HSPG2: variants seen among roughly 807,000 people sequenced by gnomAD.
HSPG2 encodes heparan sulfate proteoglycan 2.
Under a neutral mutation model 526.6 loss-of-function variants are expected in HSPG2, and 278 were observed. The observed-to-expected ratio is 0.53, with a 90% CI of 0.48 to 0.58. HSPG2 has a LOEUF of 0.58. Ranked by LOEUF, HSPG2 falls within the 20% of genes least tolerant of loss-of-function variation. The pLI is 0.00. For synonymous variants in HSPG2, 2,465 were observed against 2,555.4 expected, an observed-to-expected ratio of 0.96 and a Z score of 1.07; for missense variants, 5,354 against 6,099.5, an observed-to-expected ratio of 0.88 and a Z score of 4.07.
chr1:21,937,200 C>T lies in HSPG2; in HGVS notation c.18G>A (p.Ala6=). The T allele has an allele frequency of 9.2e-7, 1 of 1,081,956 alleles. No homozygotes were observed. The highest frequency in any genetic ancestry group is 1.1e-6 in the Non-Finnish European group (1 of 881,894). 67.0% of individuals were successfully genotyped at this position (1,081,956 alleles called of 1,614,324 possible). A position where few individuals can be genotyped will look rare whatever the true frequency, so the allele number is the denominator to read the frequency against. ...GCAGCAGCGCCAGCAGCAGCGCGCC[C>T]GCCGCCCGCCACCCCATGGCCCGGC... MGWRA[A]GALLLALLLH... is the part of the protein sequence containing the mutation. The change falls in exon 1 of 97, where the codon GCG becomes GCA. Residue 6 remains alanine, a synonymous_variant. Transcript: ENST00000374695.
At chr1:21,842,499 G>T in intron 67 of HSPG2, 119 bp from the exon 68 acceptor site, 1 of 1,217,286 alleles carries the variant, frequency 8.2e-7, no homozygotes, top group Non-Finnish European at 1.1e-6. Flanking sequence ...TCAGCTGGTA[G>T]GGCTGGTGGA....
rs1350300247 is a variant in HSPG2 at position 21,831,697 on chromosome 1, G to A, written c.11307C>T (p.Gly3769=). The A allele has an allele frequency of 1.5e-5, 24 of 1,606,128 alleles. No individual in the cohort carries two copies. The highest frequency in any genetic ancestry group is 2.2e-5 in the East Asian group (1 of 44,648). ...GGGCCAGGTCACCCACAATCAGGGAGCCCTGGGTGAGGCTGCGCAGCAGGG... is the reference window on the plus strand; with the variant it reads ...GGGCCAGGTCACCCACAATCAGGGAACCCTGGGTGAGGCTGCGCAGCAGGG... The part of the protein sequence containing the change: ...TVTLLRSLTQ[G]SLIVGDLAPV... Residue 3769 remains glycine (G), a synonymous_variant, in exon 82 of 97, where the codon GGC becomes GGT. Coordinates refer to ENST00000374695, the MANE Select transcript of HSPG2 (RefSeq NM_005529.7).
At position 21,865,625 on chromosome 1, in the gene HSPG2, G is replaced by T; in HGVS notation, c.4314+92C>A. ...CCCAGCCTGTGCCAGAAAACTGAGT[G>T]CTGGATGGAAAGGACAAAGGACAAA... On this transcript the variant is annotated intron_variant, in intron 34 of 96. Transcript: ENST00000374695. This position sits in a 1 kb window ranked among gnomAD's most constrained non-coding sequence, Gnocchi z 5.4. The T allele has an allele frequency of 8.8e-7, 1 of 1,130,350 alleles. No individual in the cohort carries two copies. Among genetic ancestry groups the T allele is most frequent in the Non-Finnish European group, 1.3e-6 (1 of 742,068 alleles). The allele number at this position is 1,130,350 out of a possible 1,614,324, so 70.0% of individuals were successfully genotyped here.
chr1:21,911,909 A>G (rs1346562989), intron 1 of HSPG2, among the ~76,000 whole-genome samples: 1 of 152,154 alleles, frequency 6.6e-6, no homozygotes, highest in Non-Finnish European at 1.5e-5. Flanking sequence ...ACATACCCAT[A>G]ATTACAACTG....
At chr1:21,863,213 AAC>A (rs1301282929) in intron 37 of HSPG2, among the ~76,000 whole-genome samples, 1 of 150,904 alleles carries the variant, frequency 6.6e-6, no homozygotes, top group Non-Finnish European at 1.5e-5. Context: ...CTCTACTAAA[AAC>A]ACAAAAAATT....
intron 1 of HSPG2, among the ~76,000 whole-genome samples, chr1:21,924,914 T>A (rs549400385): frequency 6.6e-6 from 1 of 152,276 alleles, no homozygotes; most frequent in East Asian, 1.9e-4. Context: ...TCTTTCCAGA[T>A]AACTCATGCC....
intron 64 of HSPG2, among the ~76,000 whole-genome samples, chr1:21,845,052 C>T (rs1171278273): frequency 6.6e-6 from 1 of 152,124 alleles, no homozygotes; most frequent in Non-Finnish European, 1.5e-5. Flanking sequence ...TCGAGACCAG[C>T]CTGACCAACA....
intron 65 of HSPG2, among the ~76,000 whole-genome samples, chr1:21,843,828 G>A (rs530221628): frequency 4.5e-4 from 69 of 152,152 alleles, no homozygotes; most frequent in African/African-American, 1.6e-3. Flanking sequence ...TGTGTTTTTC[G>A]TTTCGCCATG....
intron 1 of HSPG2, among the ~76,000 whole-genome samples, chr1:21,930,107 A>C (rs919398558): frequency 1.1e-4 from 17 of 149,572 alleles, no homozygotes; most frequent in African/African-American, 4.2e-4. Flanking sequence ...GCTCCCCCTC[A>C]CTGATGCTGC....
intron 1 of HSPG2, among the ~76,000 whole-genome samples, chr1:21,909,154 A>T (rs1643533154): frequency 6.6e-6 from 1 of 152,222 alleles, no homozygotes. Context: ...AGAAGGAGTC[A>T]GGCTGCAGAG....
At position 21,839,502 on chromosome 1, in the gene HSPG2, G is replaced by A; in HGVS notation, c.9758C>T (p.Pro3253Leu). Residue 3253 changes from proline to leucine, a missense_variant, in exon 73 of 97, where the codon CCC (proline) becomes CTC (leucine). By Grantham distance (98) the Pro-to-Leu change is moderately conservative. Coordinates refer to ENST00000374695, the MANE Select transcript of HSPG2 (RefSeq NM_005529.7). This position sits in a 1 kb window ranked among gnomAD's most constrained non-coding sequence, Gnocchi z 4.5. ...GTCACCTTCCAGCCGGTGCTGCCAG[G>A]GCAGTGGGGAACGCAGCTTGGACCA... is the stretch of plus-strand genomic sequence containing the variant. Reference protein sequence around the residue: ...IHWSKLRSPLPWQHRLEGDTL... With the variant: ...IHWSKLRSPLLWQHRLEGDTL... The A allele has an allele frequency of 6.2e-7, 1 of 1,614,144 alleles. No homozygotes were observed. The highest frequency in any genetic ancestry group is 8.5e-7 in the Non-Finnish European group (1 of 1,180,024).
Position 21,847,780 on chromosome 1 carries a change from T to C in HSPG2, c.7934A>G (p.Gln2645Arg). Reference sequence around the variant, plus strand: ...GACCACGCAGTTCAGATCCAAGGTCTGCCCTTCCACCACCGTGGGGGAAGA... The same window carrying C: ...GACCACGCAGTTCAGATCCAAGGTCCGCCCTTCCACCACCGTGGGGGAAGA... Reference protein sequence around the residue: ...ESSSPTVVEGQTLDLNCVVAR... With the variant: ...ESSSPTVVEGRTLDLNCVVAR... Residue 2645 changes from glutamine (Q) to arginine (R), a missense_variant, in exon 61 of 97, where the codon CAG becomes CGG. Transcript: ENST00000374695. This position sits in a 1 kb window ranked among gnomAD's most constrained non-coding sequence, Gnocchi z 4.1. 6.2e-7 allele frequency: 1 copy of C among 1,613,758 alleles called. No homozygotes were observed. The highest frequency in any genetic ancestry group is 1.1e-5 in the South Asian group (1 of 91,066).
At chr1:21,825,161 A>G (rs1486433978) in intron 91 of HSPG2, 2 of 308,504 alleles carry the variant, frequency 6.5e-6, no homozygotes, top group Non-Finnish European at 1.3e-5. Flanking sequence ...TACTGAGATC[A>G]CCAGATCTTG....
In HSPG2 at chr1:21,839,802, G is replaced by T. The variant is rs775844708; in HGVS notation, c.9709+20C>A. 13 of 1,611,636 alleles carry T rather than the reference G, an allele frequency of 8.1e-6. No homozygotes were observed. In the Admixed American group the frequency reaches 2.2e-4, roughly 27 times the overall value. On this transcript the variant is annotated intron_variant, in intron 72 of 96. Transcript: ENST00000374695. This position sits in a 1 kb window ranked among gnomAD's most constrained non-coding sequence, Gnocchi z 4.5. Reference sequence around the variant, plus strand: ...GGCATCCCTGCCCTGCCAGCCCTATGTGCCAGCCCTTGGTCACACCTGTGG... The same window carrying T: ...GGCATCCCTGCCCTGCCAGCCCTATTTGCCAGCCCTTGGTCACACCTGTGG...
chr1:21,836,019 G>T (rs1221807512), intron 75 of HSPG2, among the ~76,000 whole-genome samples: 2 of 147,270 alleles, frequency 1.4e-5, no homozygotes, highest in African/African-American at 5.0e-5. Context: ...CTTTGCAATT[G>T]TGTGGGCATT....
chr1:21,824,407 C>T lies in HSPG2; in HGVS notation c.12745-31G>A. The T allele has an allele frequency of 6.2e-7, 1 of 1,612,612 alleles. No homozygotes were observed. Reference sequence around the variant, plus strand: ...AGGGAAGCACAGGGTCTCTGGGGTCCCCAGCCTGGAGAGCAGAGGCTGCCG... The same window carrying T: ...AGGGAAGCACAGGGTCTCTGGGGTCTCCAGCCTGGAGAGCAGAGGCTGCCG... On this transcript the variant is annotated intron_variant, in intron 93 of 96. Coordinates refer to ENST00000374695, the MANE Select transcript of HSPG2 (RefSeq NM_005529.7). This position sits in a 1 kb window ranked among gnomAD's most constrained non-coding sequence, Gnocchi z 5.9.
chr1:21,934,742 C>T (rs1356968640), intron 1 of HSPG2, among the ~76,000 whole-genome samples: 2 of 150,368 alleles, frequency 1.3e-5, no homozygotes, highest in African/African-American at 2.5e-5. Flanking sequence ...ACTACAGGTA[C>T]GTGCCACCAT....
At position 21,832,538 on chromosome 1, in the gene HSPG2, C is replaced by T. The variant is rs767088469; in HGVS notation, c.11164G>A (p.Asp3722Asn). The T allele has an allele frequency of 3.7e-6, 6 of 1,614,102 alleles. No homozygotes were observed. The highest frequency in any genetic ancestry group is 2.2e-5 in the South Asian group (2 of 91,094). The change falls in exon 81 of 97, where the codon GAC (aspartate) becomes AAC (asparagine). Residue 3722 changes from aspartate to asparagine, a missense_variant. Physicochemically the swap from Asp to Asn is conservative, Grantham distance 23. Coordinates refer to ENST00000374695, the MANE Select transcript of HSPG2 (RefSeq NM_005529.7). ...CCCACGAGGCCGAAGGAGATGAAGTCGGGCTGCCGGTTGGCCAGGTTGGTG... is the reference window on the plus strand; with the variant it reads ...CCCACGAGGCCGAAGGAGATGAAGTTGGGCTGCCGGTTGGCCAGGTTGGTG... ...SPTNLANRQPDFISFGLVGGR... is the reference protein window; with the variant it reads ...SPTNLANRQPNFISFGLVGGR...
At position 21,890,196 on chromosome 1, in the gene HSPG2, C is replaced by A; in HGVS notation, c.414-55G>T. ...GTCAGCGAGACACCTGTGTTCTCAG[C>A]TCCTCCATGAGGCTCCCGCCCCGAC... On this transcript the variant is annotated intron_variant, in intron 5 of 96. Transcript: ENST00000374695. The surrounding 1 kb of genome is among the most constrained non-coding windows in gnomAD (Gnocchi z 4.1). 6.2e-7 allele frequency: 1 copy of A among 1,603,954 alleles called. No homozygotes were observed. The highest frequency in any genetic ancestry group is 1.1e-5 in the South Asian group (1 of 90,878).
Sources: allele counts gnomAD v4.1 joint callset (sites outside exome capture counted in the v4.1 genomes callset), GRCh38; gene constraint gnomAD v4.1.1; non-coding constraint Gnocchi (gnomAD v3.1); transcripts MANE v1.5; gene names NCBI Gene and HGNC (gene_info 2026-07-23, HGNC 2026-07-21).